The following GPC5 variants were observed in gnomAD, a reference collection of about 807,000 sequenced individuals.
GPC5 encodes glypican-5.
GPC5 carries 47 observed loss-of-function variants against 53.9 expected under a neutral mutation model. That is an observed-to-expected ratio of 0.87 (90% CI 0.69 to 1.11). GPC5 has a LOEUF of 1.11. GPC5 is among the 50% of genes most tolerant of loss of function. The probability of loss-of-function intolerance (pLI) is 0.00; values close to 1 mark genes in which losing one functional copy is unlikely to be tolerated. For missense variants in GPC5, 748 were observed against 713.1 expected (o/e 1.05, Z -0.56); for synonymous variants, 286 against 263.3 (o/e 1.09, Z -0.84).
intron 5 of GPC5, among the ~76,000 whole-genome samples, chr13:91,774,054 T>G (rs564060017): frequency 7.9e-5 from 12 of 152,338 alleles, no homozygotes; most frequent in Admixed American, 5.9e-4. Context: ...CTAAAAGTTT[T>G]GTAACAGCCA....
intron 7 of GPC5, among the ~76,000 whole-genome samples, chr13:92,498,002 G>C (rs974639081): frequency 6.6e-6 from 1 of 151,964 alleles, no homozygotes; most frequent in Admixed American, 6.6e-5. Flanking sequence ...TGAGATGATG[G>C]GGTTTTCTAA....
At chr13:92,660,185 A>G (rs889622032) in intron 7 of GPC5, among the ~76,000 whole-genome samples, 3 of 152,142 alleles carry the variant, frequency 2.0e-5, no homozygotes, top group Admixed American at 1.3e-4. Context: ...TTTTACCTAT[A>G]GTACATTTTG....
intron 7 of GPC5, among the ~76,000 whole-genome samples, chr13:92,489,017 A>G (rs976171448): frequency 6.6e-6 from 1 of 152,166 alleles, no homozygotes; most frequent in Non-Finnish European, 1.5e-5. Context: ...ATAAATATTA[A>G]TATATCAGTT....
At chr13:91,511,306 A>G (rs1274520388) in intron 2 of GPC5, among the ~76,000 whole-genome samples, 1 of 151,912 alleles carries the variant, frequency 6.6e-6, no homozygotes, top group Non-Finnish European at 1.5e-5. Context: ...TGCTTTTAGT[A>G]TATTTTCTTT....
At chr13:92,121,149 C>T (rs1363237494) in intron 6 of GPC5, among the ~76,000 whole-genome samples, 3 of 152,120 alleles carry the variant, frequency 2.0e-5, no homozygotes, top group Non-Finnish European at 4.4e-5. Flanking sequence ...TTATTGAATA[C>T]ATTTCTATTG....
intron 5 of GPC5, among the ~76,000 whole-genome samples, chr13:91,904,140 C>CTTTTTTTTTTTTTTTTTTT (rs57293387): frequency 2.1e-5 from 2 of 94,670 alleles, no homozygotes; most frequent in Admixed American, 1.3e-4. Flanking sequence ...TCTTTTCTTT[C>CTTTTTTTTTTTTTTTTTTT]TTTTTTTTTT....
At chr13:91,411,091 G>T (rs1264576766) in intron 1 of GPC5, among the ~76,000 whole-genome samples, 22 of 152,206 alleles carry the variant, frequency 1.4e-4, no homozygotes, top group Admixed American at 1.4e-3. Flanking sequence ...CCTGGCGTCA[G>T]AGCGAGACTC....
chr13:92,564,313 T>G (rs1410846956), intron 7 of GPC5, among the ~76,000 whole-genome samples: 1 of 151,962 alleles, frequency 6.6e-6, no homozygotes, highest in Non-Finnish European at 1.5e-5. Flanking sequence ...AGATTCTAAG[T>G]AATCAGTGTC....
chr13:92,135,129 C>T (rs879934838), intron 6 of GPC5, among the ~76,000 whole-genome samples: 2 of 152,044 alleles, frequency 1.3e-5, no homozygotes, highest in Non-Finnish European at 2.9e-5. Context: ...TTACTCCTGT[C>T]ATTGATCTTC....
At chr13:91,938,487 T>A (rs1326152346) in intron 6 of GPC5, among the ~76,000 whole-genome samples, 2 of 151,956 alleles carry the variant, frequency 1.3e-5, no homozygotes, top group East Asian at 3.9e-4. Context: ...CAACATGAGA[T>A]TTGGAGGGGA....
intron 6 of GPC5, among the ~76,000 whole-genome samples, chr13:92,075,167 T>C (rs1275960970): frequency 6.6e-6 from 1 of 152,202 alleles, no homozygotes; most frequent in African/African-American, 2.4e-5. Context: ...TTTATATTAG[T>C]ACATGTTAAC....
chr13:91,621,242 A>G (rs1239593181), intron 2 of GPC5, among the ~76,000 whole-genome samples: 2 of 152,168 alleles, frequency 1.3e-5, no homozygotes, highest in Non-Finnish European at 2.9e-5. Flanking sequence ...TCTTTAAAAA[A>G]GAGAAGTCAC....
intron 7 of GPC5, among the ~76,000 whole-genome samples, chr13:92,802,321 G>A (rs962436925): frequency 1.3e-5 from 2 of 151,744 alleles, no homozygotes; most frequent in African/African-American, 4.8e-5. Context: ...TTCATACAAC[G>A]ATTAAATTGC....
At chr13:91,580,166 T>G (rs2032304726) in intron 2 of GPC5, among the ~76,000 whole-genome samples, 1 of 152,154 alleles carries the variant, frequency 6.6e-6, no homozygotes, top group South Asian at 2.1e-4. Flanking sequence ...TTCTCCTGCC[T>G]TAGCCTCCAG....
chr13:92,076,953 C>T (rs908229156), intron 6 of GPC5, among the ~76,000 whole-genome samples: 2 of 152,176 alleles, frequency 1.3e-5, no homozygotes, highest in African/African-American at 4.8e-5. Flanking sequence ...TATAAGACTT[C>T]AGAAGAACCT....
In GPC5 at chr13:92,483,684, G is replaced by T. The variant is rs372920509; in HGVS notation, c.1561+338695G>T. On this transcript the variant is annotated intron_variant, in intron 7 of 7. Coordinates refer to ENST00000377067, the MANE Select transcript of GPC5 (RefSeq NM_004466.6). ...CTGTAATTTTTTACTTTATAATTTT[G>T]TTTTTTAACATTTTGACTTTTCTAT... Among the ~76,000 whole-genome samples the T allele has an allele frequency of 1.9e-3, 293 of 151,630 alleles. 1 individual carries two copies. Among genetic ancestry groups the T allele is most frequent in the African/African-American group, 7.0e-3 (288 of 41,368 alleles).
At chr13:91,642,562 A>G (rs2034455698) in intron 2 of GPC5, among the ~76,000 whole-genome samples, 1 of 152,174 alleles carries the variant, frequency 6.6e-6, no homozygotes, top group Non-Finnish European at 1.5e-5. Context: ...AGGTCTATAA[A>G]GATCAACCCA....
At chr13:91,977,979 G>A (rs1199727373) in intron 6 of GPC5, among the ~76,000 whole-genome samples, 1 of 135,796 alleles carries the variant, frequency 7.4e-6, no homozygotes, top group South Asian at 2.4e-4. Context: ...AAGAAAGAAA[G>A]AAAGAAAAGA....
intron 2 of GPC5, among the ~76,000 whole-genome samples, chr13:91,561,184 T>C (rs891605673): frequency 6.9e-6 from 1 of 145,606 alleles, no homozygotes; most frequent in African/African-American, 2.7e-5. Context: ...GCTTAGTGGT[T>C]CCATGGACCC....
Sources: gnomAD v4.1 joint callset for allele counts (sites outside exome capture counted in the v4.1 genomes callset) on GRCh38, gnomAD v4.1.1 for gene constraint, MANE v1.5 for transcripts, NCBI Gene and HGNC (gene_info 2026-07-23, HGNC 2026-07-21) for gene names.